Variants in MFN1 observed in about 807,000 individuals in gnomAD.
MFN1 encodes the protein mitofusin-1.
Under a neutral mutation model 92.4 loss-of-function variants are expected in MFN1, and 65 were observed. That is an observed-to-expected ratio of 0.70 (90% CI 0.58 to 0.86). The LOEUF (loss-of-function observed/expected upper bound fraction) is 0.86, where lower values mean the gene tolerates loss of function less well. MFN1 is among the 40% of genes least tolerant of loss of function. The pLI, the probability that MFN1 is intolerant of heterozygous loss-of-function variation, is 0.00. For missense variants in MFN1, 781 were observed against 868.0 expected (o/e 0.90, Z 1.26); for synonymous variants, 297 against 300.9 (o/e 0.99, Z 0.13).
At chr3:179,371,240 C>T (rs889607238) in intron 9 of MFN1, among the ~76,000 whole-genome samples, 2 of 152,110 alleles carry the variant, frequency 1.3e-5, no homozygotes, top group African/African-American at 2.4e-5. Context: ...GCATTGGTGG[C>T]TCATGCCAGT....
chr3:179,378,391 A>G lies in MFN1; in HGVS notation c.1380A>G (p.Arg460=). Residue 460 remains arginine (R), a synonymous_variant, in exon 13 of 18, where the codon CGA becomes CGG. Coordinates refer to ENST00000471841, the MANE Select transcript of MFN1 (RefSeq NM_033540.3). ...EDGMGRNLAD[R]CTDEVNALVL... The stretch of plus-strand genomic sequence containing the variant: ...GTATGGGAAGAAATTTGGCTGATCG[A>G]TGCACCGATGAAGTAAACGCCTTAG... The G allele has an allele frequency of 6.2e-7, 1 of 1,607,126 alleles. No homozygotes were observed. Among genetic ancestry groups the G allele is most frequent in the Non-Finnish European group, 8.5e-7 (1 of 1,178,270 alleles).
At chr3:179,359,143 G>T in intron 4 of MFN1, 141 bp downstream of exon 4, 1 of 1,034,366 alleles carries the variant, frequency 9.7e-7, no homozygotes, top group Non-Finnish European at 1.3e-6. Flanking sequence ...TTTTTTAGAC[G>T]GAATTTCGCT....
At chr3:179,368,445 A>G (rs1577008402) in intron 9 of MFN1, among the ~76,000 whole-genome samples, 1 of 152,112 alleles carries the variant, frequency 6.6e-6, no homozygotes, top group East Asian at 1.9e-4. Flanking sequence ...TGCTGTTGGA[A>G]TGGATAATAG....
At chr3:179,354,643 C>T (rs1004486537) in intron 3 of MFN1, among the ~76,000 whole-genome samples, 2 of 152,148 alleles carry the variant, frequency 1.3e-5, no homozygotes, top group African/African-American at 4.8e-5. Context: ...TAAAGAATGG[C>T]TGCTGCATAG....
Position 179,378,353 on chromosome 3 carries a change from C to G in MFN1, c.1342C>G (p.His448Asp), listed in dbSNP as rs1287984704. 1 of 1,598,022 alleles carries G rather than the reference C, an allele frequency of 6.3e-7. No individual in the cohort carries two copies. The highest frequency in any genetic ancestry group is 1.8e-5 in the Admixed American group (1 of 56,072). ...CCATTGTTAACAGGAATTAAATAAG[C>G]ACATAGAGGATGGTATGGGAAGAAA... ...LKIYKSELNKHIEDGMGRNLA... is the reference protein window; with the variant it reads ...LKIYKSELNKDIEDGMGRNLA... Residue 448 changes from histidine (H) to aspartate (D), a missense_variant, in exon 13 of 18, where the codon CAC becomes GAC. Coordinates refer to ENST00000471841, the MANE Select transcript of MFN1 (RefSeq NM_033540.3).
chr3:179,371,641 A>G lies in MFN1; in HGVS notation c.975+3538A>G, dbSNP rs149386976. On this transcript the variant is annotated intron_variant, in intron 9 of 17. Coordinates refer to ENST00000471841, the MANE Select transcript of MFN1 (RefSeq NM_033540.3). ...GTTCTAAAGGCAAGTTAGAAATCCAAATATCTTTTGCACAGTTATTTCACC... is the reference window on the plus strand; with the variant it reads ...GTTCTAAAGGCAAGTTAGAAATCCAGATATCTTTTGCACAGTTATTTCACC... 0.01 allele frequency among the ~76,000 whole-genome samples: 1,567 copies of G among 152,326 alleles called. 53 individuals are homozygous for G. The South Asian group carries it at 0.11, about 11-fold the overall frequency.
chr3:179,384,473 C>T (rs1713594222), intron 14 of MFN1, among the ~76,000 whole-genome samples: 1 of 149,804 alleles, frequency 6.7e-6, no homozygotes, highest in African/African-American at 2.6e-5. Context: ...CTATTCAAAG[C>T]TTTTACCTAT....
intron 3 of MFN1, 149 bp from the exon 4 acceptor site, chr3:179,358,691 T>C (rs1217512586): frequency 1.4e-6 from 1 of 717,036 alleles, no homozygotes. Flanking sequence ...AGTATTTGTG[T>C]AAGCCAAGTG....
chr3:179,378,397 C>A lies in MFN1; in HGVS notation c.1386C>A (p.Thr462=). 6.2e-7 allele frequency: 1 copy of A among 1,606,738 alleles called. No homozygotes were observed. The highest frequency in any genetic ancestry group is 2.2e-5 in the East Asian group (1 of 44,836). ...GAAGAAATTTGGCTGATCGATGCAC[C>A]GATGAAGTAAACGCCTTAGTGCTTC... ...GMGRNLADRC[T]DEVNALVLQT... The change falls in exon 13 of 18, where the codon ACC becomes ACA. Residue 462 remains threonine (T), a synonymous_variant. Transcript: ENST00000471841.
intron 10 of MFN1, 73 bp downstream of exon 10, chr3:179,375,414 ATTG>A: frequency 6.4e-7 from 1 of 1,562,928 alleles, no homozygotes; most frequent in Non-Finnish European, 8.7e-7. Flanking sequence ...GAGGTTTTAA[ATTG>A]TTGTACTATA....
rs1032066292 is a variant in MFN1, at chr3:179,394,650, C to T, written c.*2591C>T. 6 of 151,892 alleles carry T rather than the reference C, an allele frequency of 4.0e-5. No homozygotes were observed. Among genetic ancestry groups the T allele is most frequent in the African/African-American group, 9.7e-5 (4 of 41,364 alleles). The allele number at this position is 151,892 out of a possible 1,614,324, so 9.4% of individuals were successfully genotyped here. On this transcript the variant is annotated 3_prime_UTR_variant, in exon 18 of 18. Transcript: ENST00000471841. ...CAGGATGGTCTCGATCTCCTGACCT[C>T]GTGATCCACCCGCCTCGGCCTCCCA... is the stretch of plus-strand genomic sequence containing the variant.
Position 179,362,361 on chromosome 3 carries a change from G to C in MFN1, c.415G>C (p.Val139Leu), listed in dbSNP as rs1207215739. The C allele has an allele frequency of 6.2e-7, 1 of 1,606,850 alleles. No homozygotes were observed. Among genetic ancestry groups the C allele is most frequent in the Non-Finnish European group, 8.5e-7 (1 of 1,177,644 alleles). ...GSDEKKSVKT[V>L]NQLAHALHMD... Reference sequence around the variant, plus strand: ...TTTTCTTTTCCTCCTGCTTTAGACAGTTAATCAACTGGCCCATGCCCTTCA... The same window carrying C: ...TTTTCTTTTCCTCCTGCTTTAGACACTTAATCAACTGGCCCATGCCCTTCA... The change falls in exon 5 of 18, where the codon GTT becomes CTT. Residue 139 changes from valine (V) to leucine (L), a missense_variant. Physicochemically the swap from Val to Leu is conservative, Grantham distance 32. Transcript: ENST00000471841.
chr3:179,385,654 C>T lies in MFN1; in HGVS notation c.1748C>T (p.Thr583Ile), dbSNP rs1713655157. The T allele has an allele frequency of 1.9e-6, 3 of 1,613,750 alleles. No homozygotes were observed. Among genetic ancestry groups the T allele is most frequent in the Non-Finnish European group, 2.5e-6 (3 of 1,179,890 alleles). ...GCATCACAGGAAGAACTCATGATTACATTAGTAACAGGATTGGCGTCCGTT... is the reference window on the plus strand; with the variant it reads ...GCATCACAGGAAGAACTCATGATTATATTAGTAACAGGATTGGCGTCCGTT... The part of the protein sequence containing the change: ...DNASQEELMI[T>I]LVTGLASVTS... Residue 583 changes from threonine to isoleucine, a missense_variant, in exon 15 of 18, where the codon ACA becomes ATA. By Grantham distance (89) the Thr-to-Ile change is moderately conservative (BLOSUM62 -1). Coordinates refer to ENST00000471841, the MANE Select transcript of MFN1 (RefSeq NM_033540.3).
At chr3:179,376,760 T>C (rs998223042) in intron 10 of MFN1, among the ~76,000 whole-genome samples, 1 of 152,234 alleles carries the variant, frequency 6.6e-6, no homozygotes, top group Non-Finnish European at 1.5e-5. Flanking sequence ...AAAGTCAGTA[T>C]TGCATTCTGT....
intron 9 of MFN1, among the ~76,000 whole-genome samples, chr3:179,369,655 T>C (rs970853184): frequency 1.3e-5 from 2 of 152,128 alleles, no homozygotes; most frequent in African/African-American, 4.8e-5. Context: ...TCACATGACG[T>C]GCTTTAGAGA....
intron 4 of MFN1, among the ~76,000 whole-genome samples, chr3:179,360,913 G>A (rs537013512): frequency 5.3e-5 from 8 of 152,138 alleles, no homozygotes; most frequent in East Asian, 1.9e-4. Context: ...TGAGCTGGTC[G>A]GATTGCTTGA....
rs1560188888 is a variant in MFN1 at position 179,352,024 on chromosome 3, A to G, written c.237A>G (p.Ala79=). Residue 79 remains alanine (A), a synonymous_variant, in exon 3 of 18, where the codon GCA becomes GCG. Coordinates refer to ENST00000471841, the MANE Select transcript of MFN1 (RefSeq NM_033540.3). The part of the protein sequence containing the change: ...EVLSRRHMKV[A]FFGRTSSGKS... ...TATCTCGGAGACACATGAAGGTGGC[A>G]TTTTTTGGCAGGTAATTATTTATTA... 1 of 1,590,486 alleles carries G rather than the reference A, an allele frequency of 6.3e-7. No homozygotes were observed. The highest frequency in any genetic ancestry group is 8.6e-7 in the Non-Finnish European group (1 of 1,163,706).
intron 7 of MFN1, 134 bp from the exon 8 acceptor site, chr3:179,367,305 G>C: frequency 1.5e-6 from 1 of 646,220 alleles, no homozygotes; most frequent in East Asian, 3.4e-5. Flanking sequence ...TCATTTATTA[G>C]AATTTCTTAA....
At chr3:179,360,772 A>T (rs1712544071) in intron 4 of MFN1, among the ~76,000 whole-genome samples, 1 of 152,160 alleles carries the variant, frequency 6.6e-6, no homozygotes, top group South Asian at 2.1e-4. Flanking sequence ...TTTGATGTAA[A>T]TCAGGTAACT....
Sources: gnomAD v4.1 joint callset for allele counts (sites outside exome capture counted in the v4.1 genomes callset) on GRCh38, gnomAD v4.1.1 for gene constraint, MANE v1.5 for transcripts, NCBI Gene and HGNC (gene_info 2026-07-23, HGNC 2026-07-21) for gene names.